The following IL1RAPL1 variants were observed in gnomAD, a reference collection of about 807,000 sequenced individuals.
IL1RAPL1 encodes the protein interleukin 1 receptor accessory protein like 1, also known as interleukin-1 receptor accessory protein-like 1.
In IL1RAPL1, 3 loss-of-function variants were observed where a neutral mutation model predicts 48.4. The observed-to-expected ratio is 0.06, with a 90% CI of 0.03 to 0.16. The LOEUF is 0.16. Among genes scored for constraint, IL1RAPL1 ranks in the 10% least tolerant of loss-of-function variants. The probability of loss-of-function intolerance (pLI) is 1.00; values close to 1 mark genes in which losing one functional copy is unlikely to be tolerated. For missense variants in IL1RAPL1, 349 were observed against 530.6 expected (o/e 0.66, Z 3.36); for synonymous variants, 185 against 187.7 (o/e 0.99, Z 0.12).
intron 2 of IL1RAPL1, among the ~76,000 whole-genome samples, chrX:28,998,518 G>A (rs1414098285): frequency 8.9e-6 from 1 of 111,863 alleles, no homozygotes; most frequent in African/African-American, 3.2e-5. Flanking sequence ...CCTTCTATAT[G>A]TGATAATATG....
intron 5 of IL1RAPL1, among the ~76,000 whole-genome samples, chrX:29,663,019 C>T (rs1925894179): frequency 8.9e-6 from 1 of 112,379 alleles, no homozygotes; most frequent in Admixed American, 9.4e-5. Context: ...TTCTTCTGTC[C>T]ATTTCCTTCT....
chrX:29,350,513 A>G (rs766500147), intron 3 of IL1RAPL1, among the ~76,000 whole-genome samples: 1 of 106,685 alleles, frequency 9.4e-6, no homozygotes, highest in East Asian at 3.0e-4. Flanking sequence ...TTCTCTGGGT[A>G]CTCTGTTTTC....
chrX:29,333,280 GA>G (rs1932909956), intron 3 of IL1RAPL1, among the ~76,000 whole-genome samples: 1 of 108,686 alleles, frequency 9.2e-6, no homozygotes, highest in East Asian at 2.9e-4. Context: ...GCGGGGGGCT[GA>G]CCCCCCCCAC....
At chrX:29,062,120 A>G (rs1258782945) in intron 2 of IL1RAPL1, among the ~76,000 whole-genome samples, 1 of 112,228 alleles carries the variant, frequency 8.9e-6, no homozygotes, top group East Asian at 2.8e-4. Context: ...TATCTTTCAG[A>G]CACTGACTTC....
intron 1 of IL1RAPL1, among the ~76,000 whole-genome samples, chrX:28,614,875 C>G (rs1043270971): frequency 3.6e-5 from 4 of 110,879 alleles, no homozygotes; most frequent in Non-Finnish European, 5.7e-5. Context: ...CTTACATAAA[C>G]TGTCGTCTGT....
chrX:28,890,143 CACCTT>C (rs1195777942), intron 2 of IL1RAPL1, among the ~76,000 whole-genome samples: 4 of 111,675 alleles, frequency 3.6e-5, no homozygotes, highest in Non-Finnish European at 7.5e-5. Flanking sequence ...TTGGAACAAA[CACCTT>C]AGCTTCAATG....
intron 2 of IL1RAPL1, among the ~76,000 whole-genome samples, chrX:29,117,279 C>G (rs1474147207): frequency 1.1e-4 from 12 of 111,619 alleles, no homozygotes; most frequent in African/African-American, 3.9e-4. Flanking sequence ...AATAGAATAG[C>G]TAAGTTATGT....
chrX:29,308,258 CT>C (rs1418122783), intron 3 of IL1RAPL1, among the ~76,000 whole-genome samples: 3 of 111,652 alleles, frequency 2.7e-5, no homozygotes, highest in Admixed American at 9.5e-5. Flanking sequence ...AAGATGACCC[CT>C]ATCTCCTCTA....
At chrX:29,325,302 A>G (rs1932836164) in intron 3 of IL1RAPL1, among the ~76,000 whole-genome samples, 1 of 112,265 alleles carries the variant, frequency 8.9e-6, no homozygotes, top group Non-Finnish European at 1.9e-5. Context: ...TAATGAAGCT[A>G]TCAAAGTTCA....
chrX:29,681,124 A>G (rs1338429539), intron 6 of IL1RAPL1, among the ~76,000 whole-genome samples: 1 of 112,282 alleles, frequency 8.9e-6, no homozygotes, highest in Non-Finnish European at 1.9e-5. Context: ...AAAATTTTAA[A>G]TTTATTGTTA....
chrX:29,541,783 A>G (rs182225220), intron 5 of IL1RAPL1, among the ~76,000 whole-genome samples: 44 of 110,719 alleles, frequency 4.0e-4, no homozygotes, highest in Admixed American at 8.7e-4. Flanking sequence ...GGGGACTACT[A>G]AAGGATGGAG....
intron 6 of IL1RAPL1, among the ~76,000 whole-genome samples, chrX:29,737,818 A>G (rs1928089208): frequency 8.9e-6 from 1 of 112,464 alleles, no homozygotes; most frequent in Admixed American, 9.4e-5. Context: ...GGACAGAGTC[A>G]TCTTAAATTC....
chrX:29,158,327 C>T (rs944131455), intron 2 of IL1RAPL1, among the ~76,000 whole-genome samples: 14 of 111,926 alleles, frequency 1.3e-4, no homozygotes, highest in Non-Finnish European at 1.7e-4. Flanking sequence ...TATATGTTGG[C>T]CAGTATTAAT....
chrX:29,812,701 C>G (rs930683257), intron 6 of IL1RAPL1, among the ~76,000 whole-genome samples: 3 of 111,675 alleles, frequency 2.7e-5, no homozygotes, highest in Non-Finnish European at 3.8e-5. Flanking sequence ...ATACCTTCCT[C>G]TCTGTGAGTT....
intron 1 of IL1RAPL1, among the ~76,000 whole-genome samples, chrX:28,650,759 A>G (rs1423476159): frequency 2.7e-5 from 3 of 111,775 alleles, no homozygotes; most frequent in Non-Finnish European, 3.8e-5. Context: ...CACCTGTGCA[A>G]TTTCACTTGA....
chrX:28,823,175 A>G (rs73631603), intron 2 of IL1RAPL1, among the ~76,000 whole-genome samples: 2,965 of 111,347 alleles, frequency 0.027, 99 homozygotes, highest in African/African-American at 0.091. Context: ...CCTAGCTTCA[A>G]GATGTCTTTG....
chrX:29,666,584 T>A, intron 5 of IL1RAPL1, among the ~76,000 whole-genome samples: 1 of 109,000 alleles, frequency 9.2e-6, no homozygotes, highest in Non-Finnish European at 1.9e-5. Flanking sequence ...ATGTTAAGGA[T>A]GTTGTAACAT....
At chrX:28,777,258 G>A (rs978390579) in intron 1 of IL1RAPL1, among the ~76,000 whole-genome samples, 1 of 110,529 alleles carries the variant, frequency 9.0e-6, no homozygotes. Context: ...CTCTAACTTT[G>A]ACACTCCTGC....
At chrX:29,574,890 G>A (rs1285405467) in intron 5 of IL1RAPL1, among the ~76,000 whole-genome samples, 1 of 111,767 alleles carries the variant, frequency 8.9e-6, no homozygotes, top group East Asian at 2.8e-4. Context: ...CCTAGAGCAG[G>A]GGCACAGTGC....
Sources: allele counts gnomAD v4.1 joint callset (sites outside exome capture counted in the v4.1 genomes callset), GRCh38; gene constraint gnomAD v4.1.1; transcripts MANE v1.5; gene names NCBI Gene and HGNC (gene_info 2026-07-23, HGNC 2026-07-21).